Variants in ADAM10 observed in about 807,000 individuals in gnomAD.
The protein encoded by ADAM10 is ADAM metallopeptidase domain 10, also known as disintegrin and metalloproteinase domain-containing protein 10.
In ADAM10, 17 loss-of-function variants were observed where a neutral mutation model predicts 90.1. The observed-to-expected ratio is 0.19, with a 90% CI of 0.13 to 0.28. ADAM10 has a LOEUF of 0.28. Among genes scored for constraint, ADAM10 ranks in the 10% least tolerant of loss-of-function variants. The pLI, the probability that ADAM10 is intolerant of heterozygous loss-of-function variation, is 1.00. For missense variants in ADAM10, 610 were observed against 914.3 expected, an observed-to-expected ratio of 0.67 and a Z score of 4.29; for synonymous variants, 310 against 298.6, an observed-to-expected ratio of 1.04 and a Z score of -0.40.
At chr15:58,718,871 A>C (rs550405672) in intron 1 of ADAM10, among the ~76,000 whole-genome samples, 69 of 152,170 alleles carry the variant, frequency 4.5e-4, no homozygotes, top group African/African-American at 1.6e-3. Context: ...CCTCAGCTTC[A>C]TCTCTTCAAC....
intron 5 of ADAM10, among the ~76,000 whole-genome samples, chr15:58,651,787 T>C (rs918766917): frequency 3.3e-5 from 5 of 152,180 alleles, no homozygotes; most frequent in Admixed American, 1.3e-4. Flanking sequence ...TGCTGGATTA[T>C]GGTAGTTCTA....
rs972078326 is a variant in ADAM10, at chr15:58,592,745, C to A, written c.*4802G>T. The A allele has an allele frequency of 1.4e-5, 2 of 139,162 alleles. No homozygotes were observed. The highest frequency in any genetic ancestry group is 3.0e-5 in the Non-Finnish European group (2 of 65,704). 8.6% of individuals were successfully genotyped at this position (139,162 alleles called of 1,614,324 possible). A position where few individuals can be genotyped will look rare whatever the true frequency, so the allele number is the denominator to read the frequency against. ...TATGTGGATTTCTAAGGATGGGACT[C>A]TGATTTAATATATATATATATATAT... On this transcript the variant is annotated 3_prime_UTR_variant, in exon 16 of 16. Coordinates refer to ENST00000260408, the MANE Select transcript of ADAM10 (RefSeq NM_001110.4).
intron 8 of ADAM10, among the ~76,000 whole-genome samples, chr15:58,636,738 A>C (rs1358279394): frequency 2.6e-5 from 4 of 152,204 alleles, no homozygotes; most frequent in Admixed American, 2.6e-4. Flanking sequence ...CCCCAAAAAA[A>C]AGTCTTAGAA....
chr15:58,668,134 T>C (rs1566987514), intron 4 of ADAM10, among the ~76,000 whole-genome samples: 1 of 152,170 alleles, frequency 6.6e-6, no homozygotes, highest in Non-Finnish European at 1.5e-5. Flanking sequence ...CAGAGAAATG[T>C]TGCTTTATTA....
intron 1 of ADAM10, among the ~76,000 whole-genome samples, chr15:58,743,510 T>C (rs1899680653): frequency 6.6e-6 from 1 of 152,170 alleles, no homozygotes; most frequent in South Asian, 2.1e-4. Flanking sequence ...ACCAAAATGG[T>C]AACACAGTTG....
At chr15:58,659,798 G>T (rs980210627) in intron 5 of ADAM10, among the ~76,000 whole-genome samples, 1 of 151,916 alleles carries the variant, frequency 6.6e-6, no homozygotes, top group Non-Finnish European at 1.5e-5. Context: ...GTGCAATCTC[G>T]GCTCACTGCA....
At position 58,597,595 on chromosome 15, in the gene ADAM10, C is replaced by G. The variant is rs762936762; in HGVS notation, c.2199G>C (p.Gln733His). Residue 733 changes from glutamine to histidine, a missense_variant, in exon 16 of 16, where the codon CAG (glutamine) becomes CAC (histidine). Coordinates refer to ENST00000260408, the MANE Select transcript of ADAM10 (RefSeq NM_001110.4). The part of the protein sequence containing the change: ...RRPPQPIQQP[Q>H]RQRPRESYQM... The stretch of plus-strand genomic sequence containing the variant: ...GATAACTCTCTCGGGGCCGCTGACG[C>G]TGGGGTTGCTGAATGGGCTGTGGAG... The G allele has an allele frequency of 8.1e-6, 13 of 1,614,078 alleles. No individual in the cohort carries two copies. Among genetic ancestry groups the G allele is most frequent in the South Asian group, 1.1e-5 (1 of 91,068 alleles).
chr15:58,597,583 G>C lies in ADAM10; in HGVS notation c.2211C>G (p.Pro737=). The stretch of plus-strand genomic sequence containing the variant: ...TGTGTCCCATTTGATAACTCTCTCG[G>C]GGCCGCTGACGCTGGGGTTGCTGAA... ...QPIQQPQRQR[P]RESYQMGHMR... Residue 737 remains proline (P), a synonymous_variant, in exon 16 of 16, where the codon CCC becomes CCG. Coordinates refer to ENST00000260408, the MANE Select transcript of ADAM10 (RefSeq NM_001110.4). 1 of 1,614,102 alleles carries C rather than the reference G, an allele frequency of 6.2e-7. No homozygotes were observed. Among genetic ancestry groups the C allele is most frequent in the African/African-American group, 1.3e-5 (1 of 75,012 alleles).
chr15:58,659,147 C>T (rs1217681918), intron 5 of ADAM10, among the ~76,000 whole-genome samples: 1 of 151,954 alleles, frequency 6.6e-6, no homozygotes, highest in East Asian at 1.9e-4. Flanking sequence ...GTGGTGCGCA[C>T]CTGTAATCCC....
chr15:58,633,378 A>T lies in ADAM10; in HGVS notation c.1013-19T>A, dbSNP rs1175473987. ...GAGCTTCCTAATCCAGAACAAAAAA[A>T]TGGCTAAATTAGTATCTGTTTCCCC... On this transcript the variant is annotated intron_variant, in intron 8 of 15. Coordinates refer to ENST00000260408, the MANE Select transcript of ADAM10 (RefSeq NM_001110.4). 6 of 1,611,198 alleles carry T rather than the reference A, an allele frequency of 3.7e-6. No individual in the cohort carries two copies. The African/African-American group carries it at 4.0e-5, about 11-fold the overall frequency.
chr15:58,693,129 T>C (rs1296695556), intron 2 of ADAM10: 5 of 738,036 alleles, frequency 6.8e-6, no homozygotes, highest in South Asian at 2.7e-5. Context: ...GAGACATGAG[T>C]TGGGCAATTT....
chr15:58,595,777 T>C lies in ADAM10; in HGVS notation c.*1770A>G, dbSNP rs1182255067. 3.3e-5 allele frequency: 5 copies of C among 152,118 alleles called. No individual in the cohort carries two copies. The highest frequency in any genetic ancestry group is 1.2e-4 in the African/African-American group (5 of 41,456). 9.4% of individuals were successfully genotyped at this position (152,118 alleles called of 1,614,324 possible). On this transcript the variant is annotated 3_prime_UTR_variant, in exon 16 of 16. Transcript: ENST00000260408. The stretch of plus-strand genomic sequence containing the variant: ...GAAGTTACTAAGAACTCTTGCAGAA[T>C]AAAAGTCACCATTTTAGAAATGCAA...
At chr15:58,632,632 G>C (rs1276619888) in intron 9 of ADAM10, among the ~76,000 whole-genome samples, 2 of 152,104 alleles carry the variant, frequency 1.3e-5, no homozygotes, top group African/African-American at 4.8e-5. Flanking sequence ...ATAACGCTTT[G>C]TTGCACTATT....
chr15:58,682,313 G>A lies in ADAM10; in HGVS notation c.208C>T (p.His70Tyr), dbSNP rs149020434. 37 of 1,611,626 alleles carry A rather than the reference G, an allele frequency of 2.3e-5. No individual in the cohort carries two copies. Among genetic ancestry groups the A allele is most frequent in the Non-Finnish European group, 3.1e-5 (37 of 1,179,038 alleles). ...LRLDFHAHGR[H>Y]FNLRMKRDTS... ...TCCCTCTTCATTCGTAGGTTGAAATGTCTGTAAAATGGGATGGGAAGGGGG... is the reference window on the plus strand; with the variant it reads ...TCCCTCTTCATTCGTAGGTTGAAATATCTGTAAAATGGGATGGGAAGGGGG... The change falls in exon 3 of 16, where the codon CAT (histidine) becomes TAT (tyrosine). Residue 70 changes from histidine (H) to tyrosine (Y), a missense_variant and splice_region_variant. By Grantham distance (83) the His-to-Tyr change is moderately conservative. Transcript: ENST00000260408.
At chr15:58,682,140 T>C (rs1202377494) in intron 3 of ADAM10, 56 bp downstream of exon 3, 7 of 1,599,518 alleles carry the variant, frequency 4.4e-6, no homozygotes, top group African/African-American at 4.0e-5. Context: ...AAAATGAGTA[T>C]CTTTGTGTAG....
intron 1 of ADAM10, among the ~76,000 whole-genome samples, chr15:58,718,064 A>C (rs1228364822): frequency 6.6e-6 from 1 of 152,200 alleles, no homozygotes; most frequent in Non-Finnish European, 1.5e-5. Flanking sequence ...TAGGAGGCTG[A>C]GATGGAAGGA....
At chr15:58,708,595 T>G (rs1898377954) in intron 2 of ADAM10, among the ~76,000 whole-genome samples, 1 of 152,078 alleles carries the variant, frequency 6.6e-6, no homozygotes, top group Non-Finnish European at 1.5e-5. Context: ...CTCAGAAGTT[T>G]GAGGCCAGCC....
At position 58,679,148 on chromosome 15, in the gene ADAM10, C is replaced by G; in HGVS notation, c.460G>C (p.Val154Leu). 2 of 1,613,898 alleles carry G rather than the reference C, an allele frequency of 1.2e-6. No homozygotes were observed. Among genetic ancestry groups the G allele is most frequent in the East Asian group, 2.2e-5 (1 of 44,836 alleles). ...IKDRTLPFHS[V>L]IYHEDDINYP... ...CTAATATCATCTTCATGATAAATGA[C>G]AGAGTGAAATGGCAGAGTTCGGTCT... Residue 154 changes from valine to leucine, a missense_variant, in exon 4 of 16, where the codon GTC becomes CTC. Physicochemically the swap from Val to Leu is conservative, Grantham distance 32. Around this residue, in one of 4 missense-constraint regions of ADAM10, gnomAD observed 310 missense variants for 362.4 expected, o/e 0.86. Transcript: ENST00000260408.
intron 2 of ADAM10, among the ~76,000 whole-genome samples, chr15:58,708,687 T>C (rs1898380107): frequency 6.6e-6 from 1 of 152,184 alleles, no homozygotes; most frequent in Non-Finnish European, 1.5e-5. Context: ...TACTGGCATA[T>C]AACACAACTA....
Sources: gnomAD v4.1 joint callset for allele counts (sites outside exome capture counted in the v4.1 genomes callset) on GRCh38, gnomAD v4.1.1 for gene constraint, gnomAD v4.1.1 regional missense constraint, MANE v1.5 for transcripts, NCBI Gene and HGNC (gene_info 2026-07-23, HGNC 2026-07-21) for gene names.